The following COMMD10 variants were observed in gnomAD, a reference collection of about 807,000 sequenced individuals.
The protein encoded by COMMD10 is COMM domain-containing protein 10.
In COMMD10, 33 loss-of-function variants were observed where a neutral mutation model predicts 28.9. The observed-to-expected ratio is 1.14, with a 90% CI of 0.87 to 1.53. The LOEUF (loss-of-function observed/expected upper bound fraction) is 1.53. Ranked by LOEUF, COMMD10 falls within the 40% of genes most tolerant of loss-of-function variation. The pLI is 0.00. For synonymous variants in COMMD10, 110 were observed against 81.7 expected (o/e 1.35, Z -1.87); for missense variants, 310 against 233.4 (o/e 1.33, Z -2.14).
intron 5 of COMMD10, among the ~76,000 whole-genome samples, chr5:116,274,156 C>G (rs1003614106): frequency 6.6e-6 from 1 of 151,774 alleles, no homozygotes; most frequent in African/African-American, 2.4e-5. Context: ...GTATTCAGTA[C>G]AGCAGATTTA....
intron 5 of COMMD10, among the ~76,000 whole-genome samples, chr5:116,201,173 A>G (rs1748656605): frequency 1.3e-5 from 2 of 152,162 alleles, no homozygotes; most frequent in South Asian, 2.1e-4. Context: ...GCTCTGATAG[A>G]ACTCCAACAG....
rs567258571 is a variant in COMMD10 at position 116,288,692 on chromosome 5, C to G, written c.511-2825C>G. ...TAACTTGTCTGCAAGTTCACTGATT[C>G]TTCATTCTGCCTAAAACTGTTGTTG... is the stretch of plus-strand genomic sequence containing the variant. On this transcript the variant is annotated intron_variant, in intron 5 of 6. Coordinates refer to ENST00000274458, the MANE Select transcript of COMMD10 (RefSeq NM_016144.4). 3.3e-5 allele frequency among the ~76,000 whole-genome samples: 5 copies of G among 151,556 alleles called. 1 individual carries two copies. The highest frequency in any genetic ancestry group is 1.2e-4 in the African/African-American group (5 of 41,062).
intron 5 of COMMD10, among the ~76,000 whole-genome samples, chr5:116,136,163 C>T (rs1349225407): frequency 6.6e-6 from 1 of 152,066 alleles, no homozygotes; most frequent in East Asian, 1.9e-4. Flanking sequence ...TCCCTTGTTC[C>T]TTGCATTCCC....
chr5:116,207,852 A>C (rs748800080), intron 5 of COMMD10, among the ~76,000 whole-genome samples: 1 of 152,004 alleles, frequency 6.6e-6, no homozygotes, highest in Admixed American at 6.6e-5. Flanking sequence ...CACACTCCCA[A>C]CCTTTAACAT....
intron 4 of COMMD10, among the ~76,000 whole-genome samples, chr5:116,118,080 A>G (rs748482167): frequency 2.0e-5 from 3 of 152,176 alleles, no homozygotes; most frequent in South Asian, 2.1e-4. Context: ...AACATCCTCT[A>G]TCTGGCTTAT....
chr5:116,192,695 A>T (rs1329618241), intron 5 of COMMD10, among the ~76,000 whole-genome samples: 1 of 152,242 alleles, frequency 6.6e-6, no homozygotes, highest in African/African-American at 2.4e-5. Flanking sequence ...AAGAATAATC[A>T]GTATTACTGA....
At chr5:116,215,184 T>A (rs1030849924) in intron 5 of COMMD10, among the ~76,000 whole-genome samples, 8 of 152,038 alleles carry the variant, frequency 5.3e-5, no homozygotes, top group African/African-American at 1.9e-4. Flanking sequence ...TTTTAAATAG[T>A]GTTTGAATCG....
intron 5 of COMMD10, among the ~76,000 whole-genome samples, chr5:116,250,250 A>G (rs1750070607): frequency 6.6e-6 from 1 of 151,840 alleles, no homozygotes; most frequent in African/African-American, 2.4e-5. Context: ...AATATTTTTG[A>G]GATTCACTAG....
At chr5:116,208,569 A>T (rs143879023) in intron 5 of COMMD10, among the ~76,000 whole-genome samples, 11 of 152,294 alleles carry the variant, frequency 7.2e-5, no homozygotes, top group African/African-American at 2.6e-4. Context: ...GGACCACAGT[A>T]ATCTACCTTG....
chr5:116,291,149 G>T (rs548206542), intron 5 of COMMD10, among the ~76,000 whole-genome samples: 5 of 152,142 alleles, frequency 3.3e-5, no homozygotes, highest in Admixed American at 3.3e-4. Flanking sequence ...CCTGCCTCCA[G>T]TGTCTTTGTG....
rs775014503 is a variant in COMMD10, at chr5:116,087,598, G to C, written c.132+11G>C. 3 of 1,560,954 alleles carry C rather than the reference G, an allele frequency of 1.9e-6. No individual in the cohort carries two copies. Among genetic ancestry groups the C allele is most frequent in the South Asian group, 2.2e-5 (2 of 89,928 alleles). ...AAACTTCACCTGAAGGTTTGTATTT[G>C]TGTGTTTCCATGCCTTGTAATCTTC... On this transcript the variant is annotated intron_variant, in intron 2 of 6. Coordinates refer to ENST00000274458, the MANE Select transcript of COMMD10 (RefSeq NM_016144.4).
intron 5 of COMMD10, among the ~76,000 whole-genome samples, chr5:116,170,731 G>A (rs1433307953): frequency 1.3e-5 from 2 of 152,120 alleles, no homozygotes; most frequent in East Asian, 3.8e-4. Context: ...AACAAGGAAT[G>A]GGGAAAGGGT....
intron 5 of COMMD10, among the ~76,000 whole-genome samples, chr5:116,212,923 G>A (rs549125482): frequency 5.3e-5 from 8 of 152,168 alleles, no homozygotes; most frequent in African/African-American, 1.7e-4. Context: ...GTATTTTCAG[G>A]TATAAGCCTG....
At chr5:116,182,154 TAAG>T (rs547205404) in intron 5 of COMMD10, among the ~76,000 whole-genome samples, 4 of 152,130 alleles carry the variant, frequency 2.6e-5, no homozygotes, top group South Asian at 2.1e-4. Flanking sequence ...CTAGGTCTGT[TAAG>T]AGGAGGGAGG....
At chr5:116,285,318 G>C (rs911447423) in intron 5 of COMMD10, among the ~76,000 whole-genome samples, 1 of 151,746 alleles carries the variant, frequency 6.6e-6, no homozygotes, top group African/African-American at 2.4e-5. Context: ...AAAATTTTTG[G>C]ACTCCTTGGG....
intron 5 of COMMD10, among the ~76,000 whole-genome samples, chr5:116,241,017 G>C (rs191741085): frequency 3.9e-4 from 60 of 152,260 alleles, no homozygotes; most frequent in African/African-American, 1.3e-3. Context: ...TTCACATTAA[G>C]AAGGAGGAAT....
chr5:116,289,509 C>G (rs1414367712), intron 5 of COMMD10, among the ~76,000 whole-genome samples: 2 of 151,874 alleles, frequency 1.3e-5, no homozygotes, highest in African/African-American at 2.4e-5. Flanking sequence ...ATATGCCTCT[C>G]ACCTCTGTTT....
At position 116,199,934 on chromosome 5, in the gene COMMD10, G is replaced by A. The variant is rs148980257; in HGVS notation, c.510+65756G>A. Among the ~76,000 whole-genome samples, 305 of 151,800 alleles carry A rather than the reference G, an allele frequency of 2.0e-3. 2 individuals are homozygous for A. Among genetic ancestry groups the A allele is most frequent in the African/African-American group, 7.0e-3 (289 of 41,392 alleles). The stretch of plus-strand genomic sequence containing the variant: ...AAGGGCACAGAATTTTAGGTTGTTG[G>A]GTTTTTTCCTCAACACTAAATATTT... On this transcript the variant is annotated intron_variant, in intron 5 of 6. Transcript: ENST00000274458.
At chr5:116,146,200 AT>A (rs1269026778) in intron 5 of COMMD10, among the ~76,000 whole-genome samples, 3 of 151,868 alleles carry the variant, frequency 2.0e-5, no homozygotes, top group Non-Finnish European at 4.4e-5. Flanking sequence ...AAGTGGTCTA[AT>A]TATATGAAGA....
Sources: allele counts gnomAD v4.1 joint callset (sites outside exome capture counted in the v4.1 genomes callset), GRCh38; gene constraint gnomAD v4.1.1; transcripts MANE v1.5; gene names NCBI Gene and HGNC (gene_info 2026-07-23, HGNC 2026-07-21).